ADAMTS3: variants seen among roughly 807,000 people sequenced by gnomAD.
ADAMTS3 encodes the protein ADAM metallopeptidase with thrombospondin type 1 motif 3.
ADAMTS3 carries 73 observed loss-of-function variants against 129.0 expected under a neutral mutation model. That is an observed-to-expected ratio of 0.57 (90% CI 0.47 to 0.69). The LOEUF is 0.69. Among genes scored for constraint, ADAMTS3 ranks in the 30% least tolerant of loss-of-function variants. ADAMTS3 has a pLI of 0.00. For synonymous variants in ADAMTS3, 477 were observed against 510.8 expected (o/e 0.93, Z 0.89); for missense variants, 1,457 against 1,514.5 (o/e 0.96, Z 0.63).
At chr4:72,359,065 T>A (rs771055772) in intron 4 of ADAMTS3, among the ~76,000 whole-genome samples, 9 of 151,898 alleles carry the variant, frequency 5.9e-5, no homozygotes, top group Non-Finnish European at 1.2e-4. Context: ...GAATAAACGA[T>A]CTGCAATTTA....
Position 72,339,481 on chromosome 4 carries a change from A to C in ADAMTS3, c.861+13T>G, listed in dbSNP as rs1312738419. The C allele has an allele frequency of 1.2e-6, 2 of 1,612,508 alleles. No individual in the cohort carries two copies. The highest frequency in any genetic ancestry group is 1.7e-6 in the Non-Finnish European group (2 of 1,178,924). On this transcript the variant is annotated intron_variant, in intron 5 of 21. Coordinates refer to ENST00000286657, the MANE Select transcript of ADAMTS3 (RefSeq NM_014243.3). ...AAAAGATCAAAAAGCTTTAAAAAGGAGTCACTACTCACAATGTTCATTAGG... is the reference window on the plus strand; with the variant it reads ...AAAAGATCAAAAAGCTTTAAAAAGGCGTCACTACTCACAATGTTCATTAGG...
In ADAMTS3 at chr4:72,304,058, G is replaced by A; in HGVS notation, c.2283C>T (p.Gly761=). 6.2e-7 allele frequency: 1 copy of A among 1,613,370 alleles called. No individual in the cohort carries two copies. The highest frequency in any genetic ancestry group is 8.5e-7 in the Non-Finnish European group (1 of 1,179,560). ...HILAIKNQAT[G]HYILNGKGEE... is the part of the protein sequence containing the mutation. ...CCCCTTTGCCATTTAAAATATAATG[G>A]CCTGTAGCCTGGTTCTTAATAGCTA... The change falls in exon 17 of 22, where the codon GGC becomes GGT. Residue 761 remains glycine, a synonymous_variant. Coordinates refer to ENST00000286657, the MANE Select transcript of ADAMTS3 (RefSeq NM_014243.3).
intron 3 of ADAMTS3, among the ~76,000 whole-genome samples, chr4:72,513,123 C>T (rs973140519): frequency 2.6e-5 from 4 of 152,128 alleles, no homozygotes; most frequent in Non-Finnish European, 4.4e-5. Context: ...GTACCCACGA[C>T]TCCCATCTCC....
rs566191868 is a variant in ADAMTS3 at position 72,542,186 on chromosome 4, A to G, written c.504+6292T>C. Among the ~76,000 whole-genome samples, 19 of 152,188 alleles carry G rather than the reference A, an allele frequency of 1.2e-4. No homozygotes were observed. In the East Asian group the frequency reaches 3.5e-3, roughly 28 times the overall value. ...TTTGTTTTGTTTTCTTTGTTTTGAGACGGAGTCTTGCTCTGTCGCCTAGGC... is the reference window on the plus strand; with the variant it reads ...TTTGTTTTGTTTTCTTTGTTTTGAGGCGGAGTCTTGCTCTGTCGCCTAGGC... On this transcript the variant is annotated intron_variant, in intron 3 of 21. Transcript: ENST00000286657.
chr4:72,334,195 T>C (rs139477636), intron 5 of ADAMTS3, among the ~76,000 whole-genome samples: 1 of 152,274 alleles, frequency 6.6e-6, no homozygotes, highest in East Asian at 1.9e-4. Context: ...TGCTCTGTTA[T>C]TCTCTTTCCC....
intron 5 of ADAMTS3, among the ~76,000 whole-genome samples, chr4:72,330,045 T>A (rs540565447): frequency 4.5e-4 from 68 of 152,082 alleles, no homozygotes; most frequent in African/African-American, 1.6e-3. Context: ...TGAGATGGAG[T>A]TTCACTCTTG....
chr4:72,520,220 C>T (rs1316758750), intron 3 of ADAMTS3, among the ~76,000 whole-genome samples: 3 of 152,132 alleles, frequency 2.0e-5, no homozygotes, highest in South Asian at 2.1e-4. Context: ...GAGGAGTACC[C>T]GGCCGTGTGA....
intron 14 of ADAMTS3, among the ~76,000 whole-genome samples, chr4:72,310,243 T>C (rs1322075005): frequency 2.6e-5 from 4 of 152,070 alleles, no homozygotes; most frequent in Non-Finnish European, 4.4e-5. Context: ...ATGTTCTTAA[T>C]GTAAATCACT....
rs1720184963 is a variant in ADAMTS3 at position 72,507,183 on chromosome 4, A to T, written c.504+41295T>A. ...GCCTATTTTTTATTTTTACTTTTTA[A>T]AAAAGAACTACAAAGCACCATCACT... is the stretch of plus-strand genomic sequence containing the variant. On this transcript the variant is annotated intron_variant, in intron 3 of 21. Transcript: ENST00000286657. Among the ~76,000 whole-genome samples, 5 of 152,284 alleles carry T rather than the reference A, an allele frequency of 3.3e-5. No homozygotes were observed. The South Asian group carries it at 1.0e-3, about 32-fold the overall frequency.
intron 8 of ADAMTS3, 150 bp from the exon 9 acceptor site, chr4:72,319,625 T>A: frequency 1.0e-6 from 1 of 985,046 alleles, no homozygotes; most frequent in Non-Finnish European, 1.5e-6. Flanking sequence ...GACAGCAATC[T>A]GACAGAAATG....
intron 3 of ADAMTS3, among the ~76,000 whole-genome samples, chr4:72,509,601 T>G (rs1038568327): frequency 6.6e-6 from 1 of 151,844 alleles, no homozygotes; most frequent in African/African-American, 2.4e-5. Flanking sequence ...CAATAACAAG[T>G]AACAAGATTG....
chr4:72,348,300 G>A (rs1475151968), intron 4 of ADAMTS3, among the ~76,000 whole-genome samples: 3 of 152,002 alleles, frequency 2.0e-5, no homozygotes, highest in Admixed American at 6.6e-5. Context: ...TTTTAGATAA[G>A]GTTCTCAAAA....
At chr4:72,497,774 A>G (rs377118502) in intron 3 of ADAMTS3, among the ~76,000 whole-genome samples, 2 of 151,964 alleles carry the variant, frequency 1.3e-5, no homozygotes, top group African/African-American at 4.8e-5. Context: ...TTACATTAAC[A>G]TAAAAACTGA....
At chr4:72,322,945 G>A (rs1324583342) in intron 6 of ADAMTS3, 69 bp downstream of exon 6, 1 of 1,241,982 alleles carries the variant, frequency 8.1e-7, no homozygotes. Context: ...GATGTAGCTT[G>A]AACAATTTAG....
chr4:72,490,539 T>C (rs929299129), intron 3 of ADAMTS3, among the ~76,000 whole-genome samples: 7 of 152,078 alleles, frequency 4.6e-5, no homozygotes, highest in African/African-American at 1.7e-4. Flanking sequence ...CATTGTAAGA[T>C]AAGGATCATA....
chr4:72,523,651 G>A (rs1720732967), intron 3 of ADAMTS3, among the ~76,000 whole-genome samples: 1 of 151,864 alleles, frequency 6.6e-6, no homozygotes, highest in Admixed American at 6.6e-5. Context: ...TATTGCCTCT[G>A]TTAATTCAAA....
At chr4:72,529,978 A>ATATATAATATATTATATTTATATAT (rs372655516) in intron 3 of ADAMTS3, among the ~76,000 whole-genome samples, 1,210 of 6,722 alleles carry the variant, frequency 0.18, 511 homozygotes, top group Non-Finnish European at 0.22. Context: ...TTTATATATA[A>ATATATAATATATTATATTTATATAT]ATATAATATA....
At chr4:72,418,262 G>A (rs759395110) in intron 3 of ADAMTS3, among the ~76,000 whole-genome samples, 1 of 151,880 alleles carries the variant, frequency 6.6e-6, no homozygotes. Context: ...ATAAACCTTC[G>A]CTTTGGCCAC....
intron 5 of ADAMTS3, among the ~76,000 whole-genome samples, chr4:72,338,385 T>C (rs1452250256): frequency 6.6e-6 from 1 of 152,138 alleles, no homozygotes; most frequent in Non-Finnish European, 1.5e-5. Flanking sequence ...TAACAGAAAT[T>C]AGTGCCAAGA....
Sources: allele counts gnomAD v4.1 joint callset (sites outside exome capture counted in the v4.1 genomes callset), GRCh38; gene constraint gnomAD v4.1.1; transcripts MANE v1.5; gene names NCBI Gene and HGNC (gene_info 2026-07-23, HGNC 2026-07-21).